The following MYOM3 variants were observed in gnomAD, a reference collection of about 807,000 sequenced individuals.
The protein encoded by MYOM3 is myomesin 3.
A neutral mutation model predicts 191.7 loss-of-function variants in MYOM3; 155 were observed. That is an observed-to-expected ratio of 0.81 (90% CI 0.71 to 0.92). MYOM3 has a LOEUF of 0.92. Ranked by LOEUF, MYOM3 falls within the 40% of genes least tolerant of loss-of-function variation. The pLI, the probability that MYOM3 is intolerant of heterozygous loss-of-function variation, is 0.00. For missense variants in MYOM3, 1,889 were observed against 1,890.6 expected (o/e 1.00, Z 0.02); for synonymous variants, 757 against 762.9 (o/e 0.99, Z 0.13).
Position 24,106,002 on chromosome 1 carries a change from G to A in MYOM3, c.478C>T (p.Leu160Phe), listed in dbSNP as rs1431766219. The A allele has an allele frequency of 3.1e-6, 5 of 1,614,046 alleles. No homozygotes were observed. The highest frequency in any genetic ancestry group is 3.3e-5 in the Admixed American group (2 of 60,024). Residue 160 changes from leucine (L) to phenylalanine (F), a missense_variant, in exon 5 of 37, where the codon CTT becomes TTT. Leu to Phe is a conservative substitution (Grantham distance 22). Transcript: ENST00000374434. ...TGCTCCCAGACGGCGTGGGAGCGAA[G>A]AGGGATCCAGAACCAGGGCCCGCGG... ...YGRGPWFWIP[L>F]RSHAVWEHTT...
At position 24,108,503 on chromosome 1, in the gene MYOM3, G is replaced by C. The variant is rs767722220; in HGVS notation, c.134C>G (p.Ser45Cys). Residue 45 changes from serine to cysteine, a missense_variant, in exon 2 of 37, where the codon TCT becomes TGT. Transcript: ENST00000374434. Reference protein sequence around the residue: ...ERQHSLRMGSSVRRRTFRSSE... With the variant: ...ERQHSLRMGSCVRRRTFRSSE... ...GCTGCGGAAGGTCCGCCTCCGCACAGAGGAGCCCATGCGCAGGCTGTGCTG... is the reference window on the plus strand; with the variant it reads ...GCTGCGGAAGGTCCGCCTCCGCACACAGGAGCCCATGCGCAGGCTGTGCTG... The C allele has an allele frequency of 6.3e-7, 1 of 1,578,782 alleles. No individual in the cohort carries two copies.
intron 29 of MYOM3, 164 bp downstream of exon 29, chr1:24,065,727 A>T (rs1366363547): frequency 1.5e-6 from 1 of 684,100 alleles, no homozygotes; most frequent in Non-Finnish European, 2.7e-6. Context: ...AATATTATTT[A>T]TCTTGATTAC....
chr1:24,067,905 C>T, intron 27 of MYOM3, 65 bp downstream of exon 27: 16 of 1,519,618 alleles, frequency 1.1e-5, no homozygotes, highest in Non-Finnish European at 1.4e-5. Flanking sequence ...CATTAATCCG[C>T]AGTCCAGCAT....
Position 24,100,719 on chromosome 1 carries a change from T to C in MYOM3, c.561-944A>G, listed in dbSNP as rs537459169. 2.0e-5 allele frequency among the ~76,000 whole-genome samples: 3 copies of C among 152,180 alleles called. No individual in the cohort carries two copies. In the South Asian group the frequency reaches 6.2e-4, roughly 32 times the overall value. ...GGCTAACACTGTGAAACCCCGTTTC[T>C]CCTAAAAATACAAAAACATTAGTCG... On this transcript the variant is annotated intron_variant, in intron 5 of 36. Transcript: ENST00000374434.
At position 24,063,911 on chromosome 1, in the gene MYOM3, G is replaced by T; in HGVS notation, c.3622+161C>A. On this transcript the variant is annotated intron_variant, in intron 30 of 36. Transcript: ENST00000374434. The surrounding 1 kb of genome is among the most constrained non-coding windows in gnomAD (Gnocchi z 4.5). ...TCGGAGTCACACCGACCTGGCTCCT[G>T]CCACTGACTAGATGTGGAATCTTGG... The T allele has an allele frequency of 1.6e-6, 1 of 632,438 alleles. No individual in the cohort carries two copies. The highest frequency in any genetic ancestry group is 2.8e-6 in the Non-Finnish European group (1 of 362,082). 39.2% of individuals were successfully genotyped at this position (632,438 alleles called of 1,614,324 possible).
At position 24,082,055 on chromosome 1, in the gene MYOM3, T is replaced by G. The variant is rs1643676189; in HGVS notation, c.2226A>C (p.Glu742Asp). The G allele has an allele frequency of 1.9e-6, 3 of 1,612,360 alleles. No homozygotes were observed. The African/African-American group carries it at 4.0e-5, about 22-fold the overall frequency. ...LGYFLDQHDS[E>D]ELDWHAVNQQ... ...GATTGACCGCATGCCAGTCCAGCTC[T>G]TCCGAGTCATGCTGGTCCAGGAAGT... is the stretch of plus-strand genomic sequence containing the variant. Residue 742 changes from glutamate (E) to aspartate (D), a missense_variant, in exon 18 of 37, where the codon GAA becomes GAC. Coordinates refer to ENST00000374434, the MANE Select transcript of MYOM3 (RefSeq NM_152372.4).
intron 34 of MYOM3, 43 bp from the exon 35 acceptor site, chr1:24,061,125 T>A: frequency 6.2e-7 from 1 of 1,613,860 alleles, no homozygotes. Flanking sequence ...TTCCACTTGC[T>A]AAAGGACAGT....
Position 24,057,312 on chromosome 1 carries a change from G to A in MYOM3, c.*52C>T, listed in dbSNP as rs374024013. Reference sequence around the variant, plus strand: ...CCAGGCTGTGACCCTGGTACAGGTTGTCCCTACTGGTCCATGTAGACTAGA... The same window carrying A: ...CCAGGCTGTGACCCTGGTACAGGTTATCCCTACTGGTCCATGTAGACTAGA... On this transcript the variant is annotated 3_prime_UTR_variant, in exon 37 of 37. Transcript: ENST00000374434. 9.6e-6 allele frequency: 15 copies of A among 1,565,318 alleles called. No individual in the cohort carries two copies. The highest frequency in any genetic ancestry group is 3.5e-5 in the South Asian group (3 of 84,522).
chr1:24,069,702 C>T (rs760025110), intron 25 of MYOM3, among the ~76,000 whole-genome samples: 4 of 151,764 alleles, frequency 2.6e-5, no homozygotes, highest in East Asian at 3.9e-4. Flanking sequence ...CTCTGTCTCC[C>T]GGGTTCAAGC....
At chr1:24,077,800 A>G (rs1643619846) in intron 20 of MYOM3, among the ~76,000 whole-genome samples, 1 of 152,220 alleles carries the variant, frequency 6.6e-6, no homozygotes, top group Non-Finnish European at 1.5e-5. Flanking sequence ...AGCCGGTGCC[A>G]GATCACCTAG....
chr1:24,083,045 C>G (rs535942998), intron 16 of MYOM3: 21 of 193,170 alleles, frequency 1.1e-4, no homozygotes, highest in African/African-American at 4.9e-4. Flanking sequence ...TGGGCTTTGT[C>G]CTTGAAAAAG....
chr1:24,089,974 C>T, intron 13 of MYOM3, 91 bp downstream of exon 13: 5 of 1,324,978 alleles, frequency 3.8e-6, no homozygotes, highest in Non-Finnish European at 5.4e-6. Context: ...CCACACCCTG[C>T]ACTGGGACAG....
At chr1:24,091,727 A>G (rs978277151) in intron 11 of MYOM3, among the ~76,000 whole-genome samples, 1 of 152,200 alleles carries the variant, frequency 6.6e-6, no homozygotes, top group African/African-American at 2.4e-5. Context: ...TGGCAGCATT[A>G]GCTATTTTCT....
chr1:24,101,202 G>A (rs1339175200), intron 5 of MYOM3, among the ~76,000 whole-genome samples: 1 of 152,156 alleles, frequency 6.6e-6, no homozygotes, highest in African/African-American at 2.4e-5. Context: ...TGTCTCACAT[G>A]CCGAAGTTCA....
At position 24,082,713 on chromosome 1, in the gene MYOM3, AC is replaced by A; in HGVS notation, c.1971del (p.Arg657SerfsTer7). On this transcript the variant is annotated frameshift_variant and splice_region_variant, in exon 17 of 37. Transcript: ENST00000374434. LOFTEE classifies it high-confidence loss of function. Reference protein sequence around the residue: ...TVNNKPIQGTRFTVPGLRTGK... With the variant: ...TVNNKPIQGTXFTVPGLRTGK... ...CCCGTCCTCAGCCCGGGAACTGTAA[AC>A]CTGGGAGAGAAATGTGCAGCTTTCA... The A allele has an allele frequency of 6.3e-7, 1 of 1,598,100 alleles. No individual in the cohort carries two copies. Among genetic ancestry groups the A allele is most frequent in the Non-Finnish European group, 8.5e-7 (1 of 1,174,308 alleles).
intron 22 of MYOM3, 125 bp downstream of exon 22, chr1:24,075,194 T>A: frequency 1.1e-6 from 1 of 908,546 alleles, no homozygotes; most frequent in Non-Finnish European, 1.7e-6. Flanking sequence ...AGTGAAAGAC[T>A]GAGCAGCGCC....
At chr1:24,061,415 C>G in intron 33 of MYOM3, 106 bp from the exon 34 acceptor site, 1 of 1,121,806 alleles carries the variant, frequency 8.9e-7, no homozygotes, top group Non-Finnish European at 1.3e-6. Flanking sequence ...GTCCTCCACT[C>G]TCCTCCCCAT....
rs1019838141 is a variant in MYOM3 at position 24,107,961 on chromosome 1, C to G, written c.242+32G>C. The G allele has an allele frequency of 3.1e-6, 5 of 1,595,850 alleles. No homozygotes were observed. In the South Asian group the frequency reaches 4.5e-5, roughly 14 times the overall value. On this transcript the variant is annotated intron_variant, in intron 3 of 36. Coordinates refer to ENST00000374434, the MANE Select transcript of MYOM3 (RefSeq NM_152372.4). ...ACTGGACAGGATGGCCCCTCCTCAG[C>G]CACGGCTCCCTGGGAAGCTTCTCTG...
chr1:24,105,913 G>T lies in MYOM3; in HGVS notation c.560+7C>A, dbSNP rs760203127. 1 of 1,596,744 alleles carries T rather than the reference G, an allele frequency of 6.3e-7. No individual in the cohort carries two copies. Among genetic ancestry groups the T allele is most frequent in the South Asian group, 1.1e-5 (1 of 88,430 alleles). On this transcript the variant is annotated splice_region_variant and intron_variant, in intron 5 of 36. Coordinates refer to ENST00000374434, the MANE Select transcript of MYOM3 (RefSeq NM_152372.4). ...GCCCAGAACCCCTTCCTGCCCCAGC[G>T]GCTTACCAGGTGACCTGGGGTGGTG...
Sources: gnomAD v4.1 joint callset for allele counts (sites outside exome capture counted in the v4.1 genomes callset) on GRCh38, gnomAD v4.1.1 for gene constraint, Gnocchi (gnomAD v3.1) non-coding constraint, MANE v1.5 for transcripts, NCBI Gene and HGNC (gene_info 2026-07-23, HGNC 2026-07-21) for gene names.